The following NELL1 variants were observed in gnomAD, a reference collection of about 807,000 sequenced individuals.
NELL1 encodes the protein protein kinase C-binding protein NELL1.
In NELL1, 76 loss-of-function variants were observed where a neutral mutation model predicts 107.4. The ratio of observed to expected loss-of-function variants is 0.71; its 90% CI spans 0.59 to 0.86. NELL1 has a LOEUF of 0.86. Among genes scored for constraint, NELL1 ranks in the 40% least tolerant of loss-of-function variants. NELL1 has a pLI of 0.00. For missense variants in NELL1, 1,024 were observed against 1,005.5 expected, an observed-to-expected ratio of 1.02 and a Z score of -0.25; for synonymous variants, 353 against 341.2, an observed-to-expected ratio of 1.03 and a Z score of -0.38.
chr11:21,431,958 C>A (rs1272144159), intron 15 of NELL1, among the ~76,000 whole-genome samples: 1 of 152,136 alleles, frequency 6.6e-6, no homozygotes, highest in Non-Finnish European at 1.5e-5. Flanking sequence ...TACTGCTCTG[C>A]AACTCAATGT....
intron 2 of NELL1, among the ~76,000 whole-genome samples, chr11:20,681,558 TGCCGAA>T (rs1238779850): frequency 6.6e-6 from 1 of 152,134 alleles, no homozygotes; most frequent in Admixed American, 6.6e-5. Flanking sequence ...TATTATCCAA[TGCCGAA>T]GCCTCTTCCA....
At chr11:20,679,039 GA>G (rs1490668190) in intron 2 of NELL1, among the ~76,000 whole-genome samples, 2 of 152,200 alleles carry the variant, frequency 1.3e-5, no homozygotes, top group Non-Finnish European at 2.9e-5. Context: ...TCGCATGGCG[GA>G]AGGGTGGTGA....
chr11:20,816,642 G>C (rs910724835), intron 3 of NELL1, among the ~76,000 whole-genome samples: 3 of 152,040 alleles, frequency 2.0e-5, no homozygotes, highest in Admixed American at 1.3e-4. Context: ...TATTTCTGTT[G>C]CTAGATTGCT....
At chr11:21,177,602 A>G (rs945085600) in intron 13 of NELL1, among the ~76,000 whole-genome samples, 3 of 151,896 alleles carry the variant, frequency 2.0e-5, no homozygotes, top group African/African-American at 7.3e-5. Context: ...TGTCTTTGAC[A>G]TAATGATTTC....
chr11:21,396,559 C>G (rs1283436378), intron 15 of NELL1, among the ~76,000 whole-genome samples: 1 of 151,464 alleles, frequency 6.6e-6, no homozygotes, highest in African/African-American at 2.4e-5. Flanking sequence ...GAGTACTTGC[C>G]AAGTACAAAG....
chr11:21,219,822 T>C (rs1857708866), intron 13 of NELL1, among the ~76,000 whole-genome samples: 2 of 152,186 alleles, frequency 1.3e-5, no homozygotes. Flanking sequence ...TATTAAGAAC[T>C]ACCTGAGACT....
intron 1 of NELL1, among the ~76,000 whole-genome samples, chr11:20,670,936 T>C (rs989937229): frequency 3.9e-5 from 6 of 152,246 alleles, no homozygotes; most frequent in African/African-American, 1.4e-4. Context: ...CTGCACTTGG[T>C]TGGCTCAAAA....
intron 14 of NELL1, among the ~76,000 whole-genome samples, chr11:21,306,405 C>T (rs76464541): frequency 0.017 from 2,610 of 152,076 alleles, 76 homozygotes; most frequent in African/African-American, 0.059. Flanking sequence ...AGCTAGTTCA[C>T]GACTTGCTCA....
chr11:20,974,233 G>A (rs1293927449), intron 12 of NELL1, among the ~76,000 whole-genome samples: 4 of 152,184 alleles, frequency 2.6e-5, no homozygotes, highest in Non-Finnish European at 5.9e-5. Flanking sequence ...ACTCCGAGGT[G>A]TTTGATAAGT....
intron 14 of NELL1, among the ~76,000 whole-genome samples, chr11:21,346,079 A>AT (rs1375039876): frequency 1.3e-5 from 2 of 152,142 alleles, no homozygotes; most frequent in Non-Finnish European, 2.9e-5. Context: ...ATCACCTTGG[A>AT]TTTTTTGGTT....
chr11:21,301,717 T>TC (rs982633150), intron 14 of NELL1, among the ~76,000 whole-genome samples: 4 of 152,112 alleles, frequency 2.6e-5, no homozygotes, highest in African/African-American at 9.7e-5. Context: ...CTGATGGTAG[T>TC]TTCTTTTGCT....
At chr11:20,894,988 C>CTATCTTACTGTGTATATGTACCCT (rs1849694435) in intron 5 of NELL1, among the ~76,000 whole-genome samples, 8 of 150,882 alleles carry the variant, frequency 5.3e-5, no homozygotes, top group African/African-American at 1.7e-4. Context: ...ATTATTCCCT[C>CTATCTTACTGTGTATATGTACCCT]TGGCCGGGCG....
chr11:20,758,562 A>T (rs1856348962), intron 2 of NELL1, among the ~76,000 whole-genome samples: 1 of 152,176 alleles, frequency 6.6e-6, no homozygotes, highest in African/African-American at 2.4e-5. Context: ...AAAATGTTCA[A>T]ACCAAAGCCA....
At chr11:20,957,066 G>A (rs952696) in intron 11 of NELL1, among the ~76,000 whole-genome samples, 49,497 of 151,940 alleles carry the variant, frequency 0.33, 9,689 homozygotes, top group East Asian at 0.55. Flanking sequence ...TGGAGTTGAC[G>A]TTTGCCCTGA....
At chr11:20,917,959 C>CT (rs891024271) in intron 5 of NELL1, among the ~76,000 whole-genome samples, 6 of 151,916 alleles carry the variant, frequency 3.9e-5, no homozygotes, top group Non-Finnish European at 5.9e-5. Flanking sequence ...TTGGCATTAA[C>CT]TAGTGGTAAC....
At chr11:20,820,695 C>T (rs1003924308) in intron 3 of NELL1, among the ~76,000 whole-genome samples, 2 of 152,102 alleles carry the variant, frequency 1.3e-5, no homozygotes, top group African/African-American at 4.8e-5. Context: ...TGCCCCAAGC[C>T]CTTTGTACCT....
chr11:21,205,110 A>T (rs910403417), intron 13 of NELL1, among the ~76,000 whole-genome samples: 4 of 152,182 alleles, frequency 2.6e-5, no homozygotes, highest in Admixed American at 6.5e-5. Flanking sequence ...TTGAGGAGGC[A>T]GTCTGACCCT....
rs1482031105 is a variant in NELL1 at position 21,114,112 on chromosome 11, TA to T, written c.1426+401del. ...CACTGGGAAAGACAAGGATTAAATT[TA>T]AAGAGGTGACAGGGAGTACTTGGTG... On this transcript the variant is annotated intron_variant, in intron 13 of 19. Transcript: ENST00000357134. Among the ~76,000 whole-genome samples, 3 of 152,182 alleles carry T rather than the reference TA, an allele frequency of 2.0e-5. No individual in the cohort carries two copies. The East Asian group carries it at 5.8e-4, about 29-fold the overall frequency.
At chr11:21,538,332 C>T (rs545954167) in intron 16 of NELL1, among the ~76,000 whole-genome samples, 3 of 152,194 alleles carry the variant, frequency 2.0e-5, no homozygotes, top group South Asian at 2.1e-4. Context: ...TCATAAAGAA[C>T]AGCATGCTTG....
Sources: allele counts gnomAD v4.1 joint callset (sites outside exome capture counted in the v4.1 genomes callset), GRCh38; gene constraint gnomAD v4.1.1; transcripts MANE v1.5; gene names NCBI Gene and HGNC (gene_info 2026-07-23, HGNC 2026-07-21).